MPHOSPH9: variants seen among roughly 807,000 people sequenced by gnomAD.
MPHOSPH9 encodes M-phase phosphoprotein 9.
In MPHOSPH9, 88 loss-of-function variants were observed where a neutral mutation model predicts 145.5. That is an observed-to-expected ratio of 0.60 (90% confidence interval 0.51 to 0.72). MPHOSPH9 has a LOEUF of 0.72. Among genes scored for constraint, MPHOSPH9 ranks in the 30% least tolerant of loss-of-function variants. The pLI, the probability that MPHOSPH9 is intolerant of heterozygous loss-of-function variation, is 0.00. For synonymous variants in MPHOSPH9, 435 were observed against 486.2 expected (o/e 0.89, Z 1.39); for missense variants, 1,238 against 1,386.6 (o/e 0.89, Z 1.70).
intron 13 of MPHOSPH9, among the ~76,000 whole-genome samples, chr12:123,183,201 G>A (rs2045270038): frequency 6.6e-6 from 1 of 151,748 alleles, no homozygotes; most frequent in Admixed American, 6.6e-5. Flanking sequence ...GAAAACAAAC[G>A]AGGTGACAGT....
rs781019859 is a variant in MPHOSPH9 at position 123,214,762 on chromosome 12, T to C, written c.1069A>G (p.Met357Val). The part of the protein sequence containing the change: ...SKPDETPNAW[M>V]SDSGTGLTYW... Reference sequence around the variant, plus strand: ...ATCATACCTGTTCCTGAATCAGACATCCAAGCATTTGGAGTTTCATCTGGT... The same window carrying C: ...ATCATACCTGTTCCTGAATCAGACACCCAAGCATTTGGAGTTTCATCTGGT... Residue 357 changes from methionine to valine, a missense_variant, in exon 7 of 24, where the codon ATG (methionine) becomes GTG (valine). Transcript: ENST00000606320. 10 of 1,612,384 alleles carry C rather than the reference T, an allele frequency of 6.2e-6. No homozygotes were observed. The highest frequency in any genetic ancestry group is 6.8e-6 in the Non-Finnish European group (8 of 1,178,622).
chr12:123,180,741 C>G (rs773422925), intron 14 of MPHOSPH9, among the ~76,000 whole-genome samples: 3 of 152,024 alleles, frequency 2.0e-5, no homozygotes, highest in African/African-American at 7.2e-5. Flanking sequence ...GGCATGGTGG[C>G]GCACACCTGT....
intron 16 of MPHOSPH9, among the ~76,000 whole-genome samples, chr12:123,173,598 C>T (rs779605160): frequency 1.5e-4 from 21 of 139,974 alleles, no homozygotes; most frequent in Admixed American, 2.7e-4. Flanking sequence ...TCAACACAGT[C>T]GTCCAAGCTT....
chr12:123,220,490 G>C (rs1461767399), intron 5 of MPHOSPH9, among the ~76,000 whole-genome samples: 3 of 151,834 alleles, frequency 2.0e-5, no homozygotes, highest in African/African-American at 7.3e-5. Context: ...ACTTGAACCA[G>C]GGAGGCAAAG....
intron 23 of MPHOSPH9, chr12:123,160,517 C>A: frequency 2.5e-6 from 1 of 392,246 alleles, no homozygotes; most frequent in Non-Finnish European, 4.6e-6. Context: ...TTGCCATTTG[C>A]TCTCAAGTTA....
chr12:123,195,391 C>A lies in MPHOSPH9; in HGVS notation c.2026-790G>T, dbSNP rs189551935. Among the ~76,000 whole-genome samples, 105 of 151,552 alleles carry A rather than the reference C, an allele frequency of 6.9e-4. 1 individual carries two copies. Among genetic ancestry groups the A allele is most frequent in the Admixed American group, 6.0e-3 (91 of 15,234 alleles). ...CACGAGGTCAGGAGTTCAAGAGCAG[C>A]CTGGCCAACATGGTGAAACCCCGTC... On this transcript the variant is annotated intron_variant, in intron 12 of 23. Coordinates refer to ENST00000606320, the MANE Select transcript of MPHOSPH9 (RefSeq NM_022782.4).
In MPHOSPH9 at chr12:123,179,986, G is replaced by A; in HGVS notation, c.2294C>T (p.Ala765Val). 1 of 1,412,654 alleles carries A rather than the reference G, an allele frequency of 7.1e-7. No homozygotes were observed. The highest frequency in any genetic ancestry group is 9.6e-7 in the Non-Finnish European group (1 of 1,042,924). The allele number at this position is 1,412,654 out of a possible 1,614,324, so 87.5% of individuals were successfully genotyped here. A position where few individuals can be genotyped will look rare whatever the true frequency, so the allele number is the denominator to read the frequency against. ...CAATTTGTTCTCAGTTGTATTTAATGCATCCTATGGAAATAAAGGAGAAAT... is the reference window on the plus strand; with the variant it reads ...CAATTTGTTCTCAGTTGTATTTAATACATCCTATGGAAATAAAGGAGAAAT... ...LGKEHRRVKD[A>V]LNTTENKLLD... The change falls in exon 15 of 24, where the codon GCA becomes GTA. Residue 765 changes from alanine to valine, a missense_variant. By Grantham distance (64) the Ala-to-Val change is moderately conservative. Transcript: ENST00000606320.
rs1593062931 is a variant in MPHOSPH9, at chr12:123,162,724, A to G, written c.3029+290T>C. On this transcript the variant is annotated intron_variant, in intron 20 of 23. Transcript: ENST00000606320. ...ACAAATGGCCCAAAAGTTTTCCCGT[A>G]TCATAAACCTTTTCAGGAAAACAAA... The G allele has an allele frequency of 2.0e-5, 6 of 292,690 alleles. No individual in the cohort carries two copies. The East Asian group carries it at 3.4e-4, about 17-fold the overall frequency. 18.1% of individuals were successfully genotyped at this position (292,690 alleles called of 1,614,324 possible).
intron 13 of MPHOSPH9, among the ~76,000 whole-genome samples, chr12:123,188,770 C>T (rs2045558503): frequency 6.6e-6 from 1 of 152,166 alleles, no homozygotes; most frequent in African/African-American, 2.4e-5. Context: ...ATCGCTTGAA[C>T]CTGGGAGGCA....
At chr12:123,236,659 G>T (rs934519523), upstream of MPHOSPH9, among the ~76,000 whole-genome samples, 2 of 152,036 alleles carry the variant, frequency 1.3e-5, no homozygotes, top group Non-Finnish European at 2.9e-5. Flanking sequence ...CAAACACAAG[G>T]CATCGTTAAT....
chr12:123,180,204 C>T (rs2045063607), intron 14 of MPHOSPH9, among the ~76,000 whole-genome samples: 1 of 152,134 alleles, frequency 6.6e-6, no homozygotes, highest in South Asian at 2.1e-4. Context: ...GTGTAAGTCC[C>T]CTGGGTAACA....
rs532292552 is a variant in MPHOSPH9 at position 123,162,310 on chromosome 12, CA to C, written c.3030-93del. ...AAGATGAGCTGGCATCCAGCTAACT[CA>C]CATATTTATGTATTTTCTTAAAAGA... On this transcript the variant is annotated intron_variant, in intron 20 of 23. Transcript: ENST00000606320. The C allele has an allele frequency of 6.3e-4, 345 of 545,552 alleles. 1 individual carries two copies. Among genetic ancestry groups the C allele is most frequent in the Non-Finnish European group, 9.8e-4 (323 of 329,910 alleles). 33.8% of individuals were successfully genotyped at this position (545,552 alleles called of 1,614,324 possible). A position where few individuals can be genotyped will look rare whatever the true frequency, so the allele number is the denominator to read the frequency against.
intron 18 of MPHOSPH9, 65 bp from the exon 19 acceptor site, chr12:123,164,155 C>A: frequency 6.3e-7 from 1 of 1,591,854 alleles, no homozygotes; most frequent in South Asian, 1.1e-5. Context: ...TTCAGTTATC[C>A]ACCTTTATTA....
chr12:123,240,316 G>A (rs1014111512), intron 1 of MPHOSPH9, among the ~76,000 whole-genome samples: 2 of 151,882 alleles, frequency 1.3e-5, no homozygotes, highest in Non-Finnish European at 2.9e-5. Context: ...GGAGGTTGCA[G>A]TGAGCAGTCA....
At chr12:123,211,690 T>C (rs1181862209) in intron 7 of MPHOSPH9, among the ~76,000 whole-genome samples, 3 of 138,562 alleles carry the variant, frequency 2.2e-5, no homozygotes, top group Non-Finnish European at 3.1e-5. Context: ...ATTTCTTTTT[T>C]TTTTTTTTTT....
At chr12:123,189,491 A>G (rs909486787) in intron 13 of MPHOSPH9, among the ~76,000 whole-genome samples, 4 of 152,230 alleles carry the variant, frequency 2.6e-5, no homozygotes, top group African/African-American at 9.6e-5. Context: ...CCTAACAGCA[A>G]TGACAAACTG....
intron 13 of MPHOSPH9, among the ~76,000 whole-genome samples, chr12:123,193,667 A>C (rs2045808244): frequency 6.6e-6 from 1 of 152,154 alleles, no homozygotes; most frequent in African/African-American, 2.4e-5. Flanking sequence ...CCTGAAACCT[A>C]ATCTGGTTTC....
Position 123,154,820 on chromosome 12 carries a change from A to G in MPHOSPH9, c.*1987T>C, listed in dbSNP as rs1280384960. On this transcript the variant is annotated 3_prime_UTR_variant, in exon 24 of 24. Transcript: ENST00000606320. Reference sequence around the variant, plus strand: ...AATGAACATTTTCTTTACCAAGACTAGATTTTTTTTTTCTAAAGGCTAGAA... The same window carrying G: ...AATGAACATTTTCTTTACCAAGACTGGATTTTTTTTTTCTAAAGGCTAGAA... The G allele has an allele frequency of 6.6e-6, 1 of 152,138 alleles. No homozygotes were observed. The highest frequency in any genetic ancestry group is 2.4e-5 in the African/African-American group (1 of 41,432). 9.4% of individuals were successfully genotyped at this position (152,138 alleles called of 1,614,324 possible). A position where few individuals can be genotyped will look rare whatever the true frequency, so the allele number is the denominator to read the frequency against.
At chr12:123,173,934 T>G (rs1466271537) in intron 16 of MPHOSPH9, among the ~76,000 whole-genome samples, 1 of 152,154 alleles carries the variant, frequency 6.6e-6, no homozygotes, top group Non-Finnish European at 1.5e-5. Flanking sequence ...GTTAGACGTT[T>G]TGGAGGCCTG....
Sources: allele counts gnomAD v4.1 joint callset (sites outside exome capture counted in the v4.1 genomes callset), GRCh38; gene constraint gnomAD v4.1.1; transcripts MANE v1.5; gene names NCBI Gene and HGNC (gene_info 2026-07-23, HGNC 2026-07-21).